The following AKAP12 variants were observed in gnomAD, a reference collection of about 807,000 sequenced individuals.
The protein encoded by AKAP12 is A-kinase anchor protein 12.
Under a neutral mutation model 79.9 loss-of-function variants are expected in AKAP12, and 32 were observed. The observed-to-expected ratio is 0.40, with a 90% CI of 0.30 to 0.54. The LOEUF (loss-of-function observed/expected upper bound fraction) is 0.54. Ranked by LOEUF, AKAP12 falls within the 20% of genes least tolerant of loss-of-function variation. The probability of loss-of-function intolerance (pLI) is 0.48; values close to 1 mark genes in which losing one functional copy is unlikely to be tolerated. For synonymous variants in AKAP12, 808 were observed against 857.0 expected (o/e 0.94, Z 1.00); for missense variants, 2,074 against 2,177.0 (o/e 0.95, Z 0.94).
rs1414069668 is a variant in AKAP12, at chr6:151,240,696, C to T, written c.134C>T (p.Ala45Val). 7 of 1,280,210 alleles carry T rather than the reference C, an allele frequency of 5.5e-6. No individual in the cohort carries two copies. In the African/African-American group the frequency reaches 9.3e-5, roughly 17 times the overall value. The allele number at this position is 1,280,210 out of a possible 1,614,324, so 79.3% of individuals were successfully genotyped here. The change falls in exon 2 of 5, where the codon GCC (alanine) becomes GTC (valine). Residue 45 changes from alanine to valine, a missense_variant. By Grantham distance (64) the Ala-to-Val change is moderately conservative. Coordinates refer to ENST00000402676, the MANE Select transcript of AKAP12 (RefSeq NM_005100.4). ...EAAPDTTADP[A>V]IAASDPATKL... is the part of the protein sequence containing the mutation. ...GCGCCAGACACCACCGCGGACCCCG[C>T]CATCGCTGCCTCGGACCCCGCCACC... is the stretch of plus-strand genomic sequence containing the variant.
At chr6:151,305,565 T>C (rs779115085) in intron 2 of AKAP12, among the ~76,000 whole-genome samples, 182 bp from the exon 3 acceptor site, 15 of 152,176 alleles carry the variant, frequency 9.9e-5, no homozygotes, top group Non-Finnish European at 2.2e-4. Flanking sequence ...TACAAGGCCC[T>C]ATCTGCTTGT....
Position 151,306,852 on chromosome 6 carries a change from T to C in AKAP12, c.319+949T>C, listed in dbSNP as rs75106523. 1.5e-4 allele frequency among the ~76,000 whole-genome samples: 23 copies of C among 152,356 alleles called. No homozygotes were observed. The East Asian group carries it at 3.7e-3, about 24-fold the overall frequency. ...CAGTCTCACAGGCGGAGTATTTGCA[T>C]GACCTAGTGTGAGAGTTTCAAATAA... On this transcript the variant is annotated intron_variant, in intron 3 of 4. Coordinates refer to ENST00000402676, the MANE Select transcript of AKAP12 (RefSeq NM_005100.4).
intron 2 of AKAP12, among the ~76,000 whole-genome samples, chr6:151,285,386 G>GTGTA (rs1162074789): frequency 2.7e-5 from 2 of 74,454 alleles, no homozygotes; most frequent in African/African-American, 7.4e-5. Context: ...GCATTTCACT[G>GTGTA]TGTGTGTGTG....
In AKAP12 at chr6:151,349,593, C is replaced by G; in HGVS notation, c.1202C>G (p.Thr401Arg). 1 of 1,611,482 alleles carries G rather than the reference C, an allele frequency of 6.2e-7. No individual in the cohort carries two copies. Among genetic ancestry groups the G allele is most frequent in the Non-Finnish European group, 8.5e-7 (1 of 1,179,198 alleles). The part of the protein sequence containing the change: ...PSEEKPAPLA[T>R]EVFDEKIEVH... ...GAAGAGAAACCTGCTCCGTTGGCGA[C>G]AGAAGTGTTTGATGAGAAAATAGAA... Residue 401 changes from threonine to arginine, a missense_variant, in exon 4 of 5, where the codon ACA becomes AGA. By Grantham distance (71) the Thr-to-Arg change is moderately conservative (BLOSUM62 -1). Coordinates refer to ENST00000402676, the MANE Select transcript of AKAP12 (RefSeq NM_005100.4).
intron 2 of AKAP12, among the ~76,000 whole-genome samples, chr6:151,259,545 C>CAG (rs1797378365): frequency 6.9e-6 from 1 of 144,074 alleles, no homozygotes; most frequent in Non-Finnish European, 1.5e-5. Context: ...CACACACACA[C>CAG]GTTTAATATG....
At chr6:151,291,431 C>T (rs758909431) in intron 2 of AKAP12, among the ~76,000 whole-genome samples, 2 of 152,150 alleles carry the variant, frequency 1.3e-5, no homozygotes, top group Non-Finnish European at 2.9e-5. Context: ...CAGAGAAGCA[C>T]GGCAGGATCA....
intron 2 of AKAP12, among the ~76,000 whole-genome samples, chr6:151,301,762 T>C (rs1033742893): frequency 1.3e-5 from 2 of 152,098 alleles, no homozygotes; most frequent in African/African-American, 2.4e-5. Flanking sequence ...GCTATTCACA[T>C]AGTAAAATAG....
chr6:151,240,942 T>A (rs886873204), intron 2 of AKAP12, among the ~76,000 whole-genome samples: 33 of 152,260 alleles, frequency 2.2e-4, no homozygotes, highest in African/African-American at 7.0e-4. Context: ...GGCTTGCATC[T>A]TTGTCGCGGG....
chr6:151,341,807 C>T, intron 3 of AKAP12: 1 of 1,287,096 alleles, frequency 7.8e-7, no homozygotes, highest in Non-Finnish European at 1.0e-6. Context: ...GTTTTCCAGC[C>T]TCCTTCCTTC....
intron 2 of AKAP12, among the ~76,000 whole-genome samples, chr6:151,259,664 C>T (rs1797380991): frequency 6.6e-6 from 1 of 150,876 alleles, no homozygotes; most frequent in African/African-American, 2.4e-5. Context: ...TTGCAACCTC[C>T]ACCTGCCAGG....
intron 2 of AKAP12, among the ~76,000 whole-genome samples, chr6:151,248,438 G>T (rs1797116323): frequency 6.6e-6 from 1 of 152,020 alleles, no homozygotes; most frequent in Non-Finnish European, 1.5e-5. Context: ...ATATTCTAAT[G>T]TGTGGGGTGT....
At chr6:151,335,923 C>T (rs1262401061) in intron 3 of AKAP12, among the ~76,000 whole-genome samples, 1 of 152,126 alleles carries the variant, frequency 6.6e-6, no homozygotes. Context: ...TTCCCTTCCA[C>T]CCTCCCTCCC....
At chr6:151,316,351 C>T (rs1358248629) in intron 3 of AKAP12, among the ~76,000 whole-genome samples, 10 of 152,154 alleles carry the variant, frequency 6.6e-5, no homozygotes, top group African/African-American at 1.2e-4. Flanking sequence ...TTAACATGGA[C>T]GTGCAATATT....
intron 2 of AKAP12, among the ~76,000 whole-genome samples, chr6:151,287,475 A>G (rs1365558338): frequency 1.3e-5 from 2 of 152,080 alleles, no homozygotes; most frequent in Non-Finnish European, 2.9e-5. Flanking sequence ...TGCTCAGGCT[A>G]GTGTCTAACT....
chr6:151,243,016 G>T (rs975032912), intron 2 of AKAP12, among the ~76,000 whole-genome samples: 1 of 152,226 alleles, frequency 6.6e-6, no homozygotes, highest in African/African-American at 2.4e-5. Context: ...ACTAAGGCAA[G>T]TCAGTCTGTT....
At chr6:151,280,030 C>G (rs947877167) in intron 2 of AKAP12, among the ~76,000 whole-genome samples, 2 of 134,274 alleles carry the variant, frequency 1.5e-5, no homozygotes, top group African/African-American at 5.1e-5. Flanking sequence ...CATATCCTTT[C>G]GGTTGTTGTT....
At chr6:151,312,244 G>A (rs986370908) in intron 3 of AKAP12, among the ~76,000 whole-genome samples, 5 of 152,144 alleles carry the variant, frequency 3.3e-5, no homozygotes, top group Admixed American at 6.5e-5. Context: ...GCCGAGGAGG[G>A]CGGATCACTT....
At chr6:151,276,247 G>A (rs1776290010) in intron 2 of AKAP12, among the ~76,000 whole-genome samples, 1 of 152,100 alleles carries the variant, frequency 6.6e-6, no homozygotes, top group South Asian at 2.1e-4. Flanking sequence ...AAATTTAAAT[G>A]TAGCAAAGCT....
intron 3 of AKAP12, among the ~76,000 whole-genome samples, chr6:151,322,155 A>T (rs112017044): frequency 3.3e-5 from 5 of 151,570 alleles, no homozygotes; most frequent in African/African-American, 9.7e-5. Context: ...TGATCTGCCC[A>T]CCTCAGCCTC....
Sources: gnomAD v4.1 joint callset for allele counts (sites outside exome capture counted in the v4.1 genomes callset) on GRCh38, gnomAD v4.1.1 for gene constraint, MANE v1.5 for transcripts, NCBI Gene and HGNC (gene_info 2026-07-23, HGNC 2026-07-21) for gene names.